The following DIS3L2 variants were observed in gnomAD, a reference collection of about 807,000 sequenced individuals.
DIS3L2 encodes the protein DIS3 like 3'-5' exoribonuclease 2.
DIS3L2 carries 34 observed loss-of-function variants against 97.5 expected under a neutral mutation model. The ratio of observed to expected loss-of-function variants is 0.35; its 90% CI spans 0.27 to 0.46. The LOEUF (loss-of-function observed/expected upper bound fraction) is 0.46. Among genes scored for constraint, DIS3L2 ranks in the 20% least tolerant of loss-of-function variants. DIS3L2 has a pLI of 1.00. For synonymous variants in DIS3L2, 435 were observed against 445.2 expected, an observed-to-expected ratio of 0.98 and a Z score of 0.29; for missense variants, 1,038 against 1,146.0, an observed-to-expected ratio of 0.91 and a Z score of 1.36.
intron 1 of DIS3L2, among the ~76,000 whole-genome samples, chr2:231,963,167 A>C (rs1692617490): frequency 6.6e-6 from 1 of 152,228 alleles, no homozygotes; most frequent in Admixed American, 6.5e-5. Flanking sequence ...TGCTTTCCAC[A>C]GTGGCTGAAC....
chr2:232,270,872 C>G (rs1047482027), intron 13 of DIS3L2, among the ~76,000 whole-genome samples: 9 of 91,196 alleles, frequency 9.9e-5, no homozygotes, highest in Admixed American at 1.9e-4. Context: ...CTCTCTCTCT[C>G]TCTCTCTCTC....
At chr2:232,109,110 G>A (rs556799247) in intron 6 of DIS3L2, among the ~76,000 whole-genome samples, 63 of 152,258 alleles carry the variant, frequency 4.1e-4, no homozygotes, top group African/African-American at 1.3e-3. Context: ...GCGATCCCAA[G>A]CAAAAAGAAC....
chr2:232,198,308 A>G (rs1374507603), intron 9 of DIS3L2, among the ~76,000 whole-genome samples: 3 of 152,186 alleles, frequency 2.0e-5, no homozygotes, highest in Non-Finnish European at 4.4e-5. Context: ...TGTTTATAAA[A>G]TCTGAGAAGA....
chr2:232,251,396 A>G lies in DIS3L2; in HGVS notation c.1425+2050A>G, dbSNP rs79261681. Among the ~76,000 whole-genome samples the G allele has an allele frequency of 3.9e-3, 601 of 152,362 alleles. 5 individuals carry two copies. The highest frequency in any genetic ancestry group is 0.014 in the African/African-American group (573 of 41,588). ...ACAGGTTAGAAGAATTAAAGATTCA[A>G]GATTCCTACTGAAAGGTAAAGTTGA... On this transcript the variant is annotated intron_variant, in intron 12 of 20. Coordinates refer to ENST00000325385, the MANE Select transcript of DIS3L2 (RefSeq NM_152383.5).
rs1694327880 is a variant in DIS3L2, at chr2:232,015,524, T to C, written c.63T>C (p.Ala21=). The part of the protein sequence containing the change: ...RPLGTPRGVS[A]VAGPHDIGAS... ...GCCTCCTGTTTCTAGGTGTGTCTGC[T>C]GTGGCTGGTCCACATGACATTGGTG... Residue 21 remains alanine, a synonymous_variant, in exon 3 of 21, where the codon GCT becomes GCC. Coordinates refer to ENST00000325385, the MANE Select transcript of DIS3L2 (RefSeq NM_152383.5). 1 of 1,613,854 alleles carries C rather than the reference T, an allele frequency of 6.2e-7. No homozygotes were observed. The highest frequency in any genetic ancestry group is 8.5e-7 in the Non-Finnish European group (1 of 1,179,908).
chr2:232,033,405 T>A (rs1257320487), intron 5 of DIS3L2, among the ~76,000 whole-genome samples: 1 of 152,226 alleles, frequency 6.6e-6, no homozygotes, highest in Non-Finnish European at 1.5e-5. Flanking sequence ...TATACAATCA[T>A]GTCATCTGCA....
chr2:232,344,139 A>G (rs1696171046), exon 14 of DIS3L2: 1 of 152,250 alleles, frequency 6.6e-6, no homozygotes, highest in African/African-American at 2.4e-5. Flanking sequence ...CAGACACTAA[A>G]CTCGTGGAGG....
At chr2:232,274,331 C>T (rs1054489023) in intron 13 of DIS3L2, among the ~76,000 whole-genome samples, 4 of 152,146 alleles carry the variant, frequency 2.6e-5, no homozygotes, top group Non-Finnish European at 2.9e-5. Flanking sequence ...TTTCTGTTCA[C>T]GGGACACACT....
intron 13 of DIS3L2, among the ~76,000 whole-genome samples, chr2:232,295,897 G>A (rs1185907074): frequency 3.3e-5 from 5 of 152,106 alleles, no homozygotes; most frequent in Admixed American, 6.5e-5. Context: ...TTCTCTCTTT[G>A]GCTTCTATAA....
At chr2:232,099,169 A>G (rs148679421) in intron 6 of DIS3L2, among the ~76,000 whole-genome samples, 1 of 152,212 alleles carries the variant, frequency 6.6e-6, no homozygotes, top group African/African-American at 2.4e-5. Context: ...TCATTATTTT[A>G]AAAATACATG....
rs1018509036 is a variant in DIS3L2 at position 232,281,776 on chromosome 2, G to A, written c.1660-18264G>A. On this transcript the variant is annotated intron_variant, in intron 13 of 20. Coordinates refer to ENST00000325385, the MANE Select transcript of DIS3L2 (RefSeq NM_152383.5). The surrounding 1 kb of genome is among the most constrained non-coding windows in gnomAD (Gnocchi z 4.1). ...TGGGTGGAGACCCTCCAGGCTTGAGGTGCGTGAGCTGCCCACTTAAAGACG... is the reference window on the plus strand; with the variant it reads ...TGGGTGGAGACCCTCCAGGCTTGAGATGCGTGAGCTGCCCACTTAAAGACG... 1.8e-4 allele frequency among the ~76,000 whole-genome samples: 28 copies of A among 152,262 alleles called. No individual in the cohort carries two copies. Among genetic ancestry groups the A allele is most frequent in the Middle Eastern group, 3.4e-3 (1 of 294 alleles).
intron 5 of DIS3L2, among the ~76,000 whole-genome samples, chr2:232,041,859 T>A (rs1293429888): frequency 6.6e-6 from 1 of 152,250 alleles, no homozygotes; most frequent in African/African-American, 2.4e-5. Flanking sequence ...TGCTAGGGAC[T>A]CATTTATTTC....
At chr2:232,236,290 G>C (rs146891735) in intron 10 of DIS3L2, among the ~76,000 whole-genome samples, 36 of 152,280 alleles carry the variant, frequency 2.4e-4, no homozygotes, top group Middle Eastern at 3.4e-3. Flanking sequence ...GATAAAATGT[G>C]TGATACCTTA....
In DIS3L2 at chr2:232,292,476, G is replaced by T. The variant is rs145419607; in HGVS notation, c.1660-7564G>T. ...TCAAAGGCCCAACAACCCCAACAGG[G>T]CCTGCATCCCATGTTCCCACAGAGT... On this transcript the variant is annotated intron_variant, in intron 13 of 20. Coordinates refer to ENST00000325385, the MANE Select transcript of DIS3L2 (RefSeq NM_152383.5). This position sits in a 1 kb window ranked among gnomAD's most constrained non-coding sequence, Gnocchi z 4.4. 5.4e-3 allele frequency among the ~76,000 whole-genome samples: 815 copies of T among 152,296 alleles called. 10 individuals carry two copies. The highest frequency in any genetic ancestry group is 0.018 in the African/African-American group (753 of 41,570).
At chr2:232,329,130 G>T (rs1013915584) in intron 14 of DIS3L2, 2 of 152,514 alleles carry the variant, frequency 1.3e-5, no homozygotes, top group East Asian at 3.9e-4. Flanking sequence ...CTGAAAGGGT[G>T]ACTCTGGGGT....
chr2:232,076,557 C>T (rs1337590178), intron 5 of DIS3L2, among the ~76,000 whole-genome samples: 3 of 152,172 alleles, frequency 2.0e-5, no homozygotes, highest in African/African-American at 7.2e-5. Context: ...TTTATTGCTA[C>T]ATGGCATCTC....
chr2:232,343,420 C>T (rs1481772159), exon 14 of DIS3L2: 1 of 1,556,312 alleles, frequency 6.4e-7, no homozygotes, highest in Non-Finnish European at 8.7e-7. Flanking sequence ...AGAAGCACAG[C>T]CCTCCACAGA....
At chr2:232,097,232 T>C (rs1281579240) in intron 6 of DIS3L2, among the ~76,000 whole-genome samples, 2 of 152,190 alleles carry the variant, frequency 1.3e-5, no homozygotes, top group Non-Finnish European at 2.9e-5. Context: ...AGGCAGAGAC[T>C]CTTGTTCTCT....
intron 13 of DIS3L2, chr2:232,343,061 A>T (rs866301964): frequency 3.6e-5 from 13 of 360,002 alleles, no homozygotes; most frequent in Non-Finnish European, 5.6e-5. Context: ...GCTGCATCAC[A>T]CTGCTCTGCT....
Sources: gnomAD v4.1 joint callset for allele counts (sites outside exome capture counted in the v4.1 genomes callset) on GRCh38, gnomAD v4.1.1 for gene constraint, Gnocchi (gnomAD v3.1) non-coding constraint, MANE v1.5 for transcripts, NCBI Gene and HGNC (gene_info 2026-07-23, HGNC 2026-07-21) for gene names.